IFT81: variants seen among roughly 807,000 people sequenced by gnomAD.
IFT81 encodes intraflagellar transport 81, also known as intraflagellar transport protein 81 homolog.
A neutral mutation model predicts 102.6 loss-of-function variants in IFT81; 72 were observed. The observed-to-expected ratio is 0.70, with a 90% CI of 0.58 to 0.85. IFT81 has a LOEUF of 0.85. IFT81 is among the 40% of genes least tolerant of loss of function. The pLI is 0.00. For missense variants in IFT81, 723 were observed against 787.3 expected (o/e 0.92, Z 0.98); for synonymous variants, 237 against 242.7 (o/e 0.98, Z 0.22).
At chr12:110,146,307 C>T (rs1207182338) in intron 9 of IFT81, among the ~76,000 whole-genome samples, 1 of 152,094 alleles carries the variant, frequency 6.6e-6, no homozygotes, top group African/African-American at 2.4e-5. Context: ...TGATAGTTAT[C>T]GAAGAATCAC....
At chr12:110,199,544 G>A (rs898897137) in intron 14 of IFT81, among the ~76,000 whole-genome samples, 7 of 151,908 alleles carry the variant, frequency 4.6e-5, no homozygotes, top group African/African-American at 1.7e-4. Context: ...TAAGATTTGC[G>A]ACCAAAAAAA....
At chr12:110,144,863 CTTTTTTTTTTT>C (rs34675452) in intron 9 of IFT81, among the ~76,000 whole-genome samples, 1 of 93,074 alleles carries the variant, frequency 1.1e-5, no homozygotes, top group Non-Finnish European at 2.0e-5. Context: ...GGTGCAGTGC[CTTTTTTTTTTT>C]TTTTTTTTTT....
intron 8 of IFT81, among the ~76,000 whole-genome samples, chr12:110,143,158 C>A (rs1894998403): frequency 1.3e-5 from 2 of 152,020 alleles, no homozygotes; most frequent in Admixed American, 1.3e-4. Flanking sequence ...AGCACTTTTT[C>A]TATAATTATT....
At chr12:110,213,227 C>T (rs948909664) in intron 18 of IFT81, among the ~76,000 whole-genome samples, 5 of 152,016 alleles carry the variant, frequency 3.3e-5, no homozygotes, top group Admixed American at 6.6e-5. Flanking sequence ...TCTCTTAAGT[C>T]TCTCTTTCTC....
chr12:110,203,671 T>A lies in IFT81; in HGVS notation c.1558-193T>A. 4 of 603,242 alleles carry A rather than the reference T, an allele frequency of 6.6e-6. No homozygotes were observed. In the South Asian group the frequency reaches 7.2e-5, roughly 11 times the overall value. 37.4% of individuals were successfully genotyped at this position (603,242 alleles called of 1,614,324 possible). A position where few individuals can be genotyped will look rare whatever the true frequency, so the allele number is the denominator to read the frequency against. On this transcript the variant is annotated intron_variant, in intron 14 of 18. Transcript: ENST00000242591. ...AGAACCTGGCACACAGCTCAATACA[T>A]GGTAGCTATTATTATTATCAGCACC...
At chr12:110,208,952 A>G (rs1205114585) in intron 17 of IFT81, among the ~76,000 whole-genome samples, 1 of 152,180 alleles carries the variant, frequency 6.6e-6, no homozygotes, top group African/African-American at 2.4e-5. Context: ...TTCCTATTAA[A>G]TGTTTTGCTT....
At chr12:110,136,136 T>A (rs1335687747) in intron 7 of IFT81, among the ~76,000 whole-genome samples, 1 of 152,190 alleles carries the variant, frequency 6.6e-6, no homozygotes, top group African/African-American at 2.4e-5. Flanking sequence ...TTTACTACAA[T>A]GGCAAATAAG....
chr12:110,190,956 A>G lies in IFT81; in HGVS notation c.1375A>G (p.Ser459Gly). 1 of 1,604,430 alleles carries G rather than the reference A, an allele frequency of 6.2e-7. No individual in the cohort carries two copies. The highest frequency in any genetic ancestry group is 1.1e-5 in the South Asian group (1 of 88,828). Residue 459 changes from serine (S) to glycine (G), a missense_variant, in exon 13 of 19, where the codon AGT becomes GGT. By Grantham distance (56) the Ser-to-Gly change is moderately conservative (BLOSUM62 0). Transcript: ENST00000242591. ...MEEKKGISGY[S>G]YTQEELERVS... ...GGAGAAAAAGGGTATATCTGGATAT[A>G]GTTACACCCAAGAAGAGCTAGAAAG...
At chr12:110,180,396 G>A (rs1266586441) in intron 11 of IFT81, 26 bp from the exon 12 acceptor site, 1 of 1,493,992 alleles carries the variant, frequency 6.7e-7, no homozygotes, top group Admixed American at 1.8e-5. Flanking sequence ...CTACTCATTA[G>A]ATTACATATT....
chr12:110,128,922 T>C (rs1894004856), intron 3 of IFT81, 28 bp from the exon 4 acceptor site: 1 of 1,577,462 alleles, frequency 6.3e-7, no homozygotes, highest in African/African-American at 1.4e-5. Flanking sequence ...AGTGCGTGTG[T>C]GTTTGTGTAT....
chr12:110,195,825 C>T (rs1897976625), intron 14 of IFT81, among the ~76,000 whole-genome samples: 1 of 152,210 alleles, frequency 6.6e-6, no homozygotes. Flanking sequence ...ATTGCCTAAA[C>T]ATTTCAACAG....
At chr12:110,209,630 G>A (rs1184189011) in intron 18 of IFT81, among the ~76,000 whole-genome samples, 2 of 152,064 alleles carry the variant, frequency 1.3e-5, no homozygotes, top group South Asian at 2.1e-4. Flanking sequence ...TTAGCCAGGC[G>A]TGGTGGCAGG....
chr12:110,183,223 G>T (rs1467828249), intron 12 of IFT81, among the ~76,000 whole-genome samples: 1 of 152,196 alleles, frequency 6.6e-6, no homozygotes, highest in Non-Finnish European at 1.5e-5. Flanking sequence ...GGATAGTAGT[G>T]CTGGCTGAAG....
In IFT81 at chr12:110,145,647, G is replaced by A. The variant is rs1224978019; in HGVS notation, c.946-1306G>A. Among the ~76,000 whole-genome samples the A allele has an allele frequency of 2.0e-5, 3 of 150,872 alleles. No individual in the cohort carries two copies. In the East Asian group the frequency reaches 5.9e-4, roughly 30 times the overall value. ...AGATGGGGTTTCACTGTGTTGGCCAGGCTAGTCTCTAACTCCTGACCTTGT... is the reference window on the plus strand; with the variant it reads ...AGATGGGGTTTCACTGTGTTGGCCAAGCTAGTCTCTAACTCCTGACCTTGT... On this transcript the variant is annotated intron_variant, in intron 9 of 18. Transcript: ENST00000242591.
chr12:110,206,319 TA>T (rs1232412255), intron 17 of IFT81, among the ~76,000 whole-genome samples: 5 of 151,034 alleles, frequency 3.3e-5, no homozygotes, highest in Admixed American at 6.6e-5. Context: ...AAATCCTGCC[TA>T]AAAAAAAATA....
intron 11 of IFT81, among the ~76,000 whole-genome samples, chr12:110,179,769 T>TACACACACACACAC (rs1299408451): frequency 9.2e-5 from 6 of 65,380 alleles, no homozygotes; most frequent in Admixed American, 4.0e-4. Context: ...TATATATATA[T>TACACACACACACAC]ATATACACAC....
chr12:110,174,457 G>GGAA (rs1555265400), intron 11 of IFT81, among the ~76,000 whole-genome samples: 7 of 55,208 alleles, frequency 1.3e-4, no homozygotes, highest in Admixed American at 4.3e-4. Context: ...CTCCGTCTCA[G>GGAA]AAAAAAAAAA....
chr12:110,167,862 T>C (rs1896522174), intron 11 of IFT81: 3 of 298,028 alleles, frequency 1.0e-5, no homozygotes, highest in Non-Finnish European at 1.9e-5. Flanking sequence ...TTTTTTTTTT[T>C]TTCCCCAGAG....
intron 11 of IFT81, among the ~76,000 whole-genome samples, chr12:110,179,673 A>G (rs1897204776): frequency 7.0e-6 from 1 of 142,080 alleles, no homozygotes; most frequent in South Asian, 2.3e-4. Context: ...ATGAACTGTT[A>G]TCACACCACT....
Sources: gnomAD v4.1 joint callset for allele counts (sites outside exome capture counted in the v4.1 genomes callset) on GRCh38, gnomAD v4.1.1 for gene constraint, MANE v1.5 for transcripts, NCBI Gene and HGNC (gene_info 2026-07-23, HGNC 2026-07-21) for gene names.